Variants in GPX3 observed in about 807,000 individuals in gnomAD.
The protein encoded by GPX3 is glutathione peroxidase 3.
In GPX3, 22 loss-of-function variants were observed where a neutral mutation model predicts 25.1. The ratio of observed to expected loss-of-function variants is 0.88; its 90% CI spans 0.63 to 1.25. GPX3 has a LOEUF of 1.25. GPX3 is among the 50% of genes most tolerant of loss of function. GPX3 has a pLI of 0.00. For missense variants in GPX3, 278 were observed against 286.6 expected, an observed-to-expected ratio of 0.97 and a Z score of 0.22; for synonymous variants, 110 against 114.5, an observed-to-expected ratio of 0.96 and a Z score of 0.25.
At chr5:151,020,855 G>A (rs1422226443) in intron 1 of GPX3, 114 bp downstream of exon 1, 3 of 1,019,546 alleles carry the variant, frequency 2.9e-6, no homozygotes, top group Non-Finnish European at 4.4e-6. Context: ...CAATCCCCAG[G>A]TGCGAGAGAC....
chr5:151,022,748 A>G (rs763044977), intron 1 of GPX3, among the ~76,000 whole-genome samples: 2 of 152,164 alleles, frequency 1.3e-5, no homozygotes, highest in Admixed American at 1.3e-4. Context: ...CAGAAGCCGG[A>G]AAGAGTGACA....
Position 151,025,398 on chromosome 5 carries a change from A to G in GPX3, c.146A>G (p.Asp49Gly). The G allele has an allele frequency of 6.2e-7, 1 of 1,612,624 alleles. No homozygotes were observed. Among genetic ancestry groups the G allele is most frequent in the Non-Finnish European group, 8.5e-7 (1 of 1,179,228 alleles). Residue 49 changes from aspartate to glycine, a missense_variant, in exon 2 of 5, where the codon GAT becomes GGT. Transcript: ENST00000388825. ...TACGAGTACGGAGCCCTCACCATTG[A>G]TGGGGAGGAGTACATCCCCTTCAAG... ...TIYEYGALTIDGEEYIPFKQY... is the reference protein window; with the variant it reads ...TIYEYGALTIGGEEYIPFKQY...
Position 151,025,393 on chromosome 5 carries a change from C to T in GPX3, c.141C>T (p.Thr47=). The change falls in exon 2 of 5, where the codon ACC becomes ACT. Residue 47 remains threonine (T), a synonymous_variant. Transcript: ENST00000388825. ...SGTIYEYGAL[T]IDGEEYIPFK... ...CCATTTACGAGTACGGAGCCCTCAC[C>T]ATTGATGGGGAGGAGTACATCCCCT... 6.2e-7 allele frequency: 1 copy of T among 1,612,020 alleles called. No homozygotes were observed. Among genetic ancestry groups the T allele is most frequent in the South Asian group, 1.1e-5 (1 of 90,786 alleles).
At position 151,028,754 on chromosome 5, in the gene GPX3, C is replaced by T. The variant is rs4661; in HGVS notation, c.*624C>T. ...CTGAGATCAACCAAGGCAGATGTGA[C>T]AGCAAGGGCCACGGACCCCATGGCA... On this transcript the variant is annotated 3_prime_UTR_variant, in exon 5 of 5. Coordinates refer to ENST00000388825, the MANE Select transcript of GPX3 (RefSeq NM_002084.5). 5,232 of 153,448 alleles carry T rather than the reference C, an allele frequency of 0.034. 126 individuals carry two copies. The highest frequency in any genetic ancestry group is 0.056 in the Non-Finnish European group (3,875 of 68,618). 9.5% of individuals were successfully genotyped at this position (153,448 alleles called of 1,614,324 possible).
At chr5:151,020,962 G>A in intron 1 of GPX3, 1 of 615,368 alleles carries the variant, frequency 1.6e-6, no homozygotes, top group Non-Finnish European at 3.0e-6. Context: ...GAGACCTGGT[G>A]CTTCAGGCGG....
intron 1 of GPX3, among the ~76,000 whole-genome samples, chr5:151,022,287 C>T (rs1756488448): frequency 6.6e-6 from 1 of 152,156 alleles, no homozygotes; most frequent in Non-Finnish European, 1.5e-5. Context: ...GTGGGGAGAA[C>T]GTGGACTCCA....
intron 1 of GPX3, among the ~76,000 whole-genome samples, chr5:151,024,241 C>T (rs3792795): frequency 0.084 from 12,805 of 152,286 alleles, 1,004 homozygotes; most frequent in East Asian, 0.41. Context: ...TTCTCCTTTC[C>T]CATCACGACC....
chr5:151,024,050 C>T (rs1327212540), intron 1 of GPX3, among the ~76,000 whole-genome samples: 1 of 152,230 alleles, frequency 6.6e-6, no homozygotes, highest in Non-Finnish European at 1.5e-5. Flanking sequence ...ACAGCAAGTT[C>T]TCCAGAATTG....
Position 151,028,263 on chromosome 5 carries a change from A to C in GPX3, c.*133A>C. On this transcript the variant is annotated 3_prime_UTR_variant, in exon 5 of 5. Transcript: ENST00000388825. ...CACTCAAGGCCCCAGCCTGGCACAA[A>C]TGGATGCATACAGTTCTGTGTACTG... 5 of 760,276 alleles carry C rather than the reference A, an allele frequency of 6.6e-6. No homozygotes were observed. The highest frequency in any genetic ancestry group is 1.1e-5 in the Non-Finnish European group (5 of 454,430). 47.1% of individuals were successfully genotyped at this position (760,276 alleles called of 1,614,324 possible). A position where few individuals can be genotyped will look rare whatever the true frequency, so the allele number is the denominator to read the frequency against.
chr5:151,022,230 T>A (rs1206826821), intron 1 of GPX3, among the ~76,000 whole-genome samples: 2 of 152,184 alleles, frequency 1.3e-5, no homozygotes, highest in Non-Finnish European at 2.9e-5. Flanking sequence ...CCTTCAGTTT[T>A]GGAAAGGTCA....
At position 151,026,859 on chromosome 5, in the gene GPX3, C is replaced by T. The variant is rs767840225; in HGVS notation, c.242-41C>T. The T allele has an allele frequency of 2.3e-5, 34 of 1,460,590 alleles. No homozygotes were observed. The South Asian group carries it at 2.3e-4, about 10-fold the overall frequency. The allele number at this position is 1,460,590 out of a possible 1,614,324, so 90.5% of individuals were successfully genotyped here. A position where few individuals can be genotyped will look rare whatever the true frequency, so the allele number is the denominator to read the frequency against. ...GTGGTGTGGATGAGACAGGGCTCCTCGCCAGGATACTCCCACATCTGCTCT... is the reference window on the plus strand; with the variant it reads ...GTGGTGTGGATGAGACAGGGCTCCTTGCCAGGATACTCCCACATCTGCTCT... On this transcript the variant is annotated intron_variant, in intron 2 of 4. Coordinates refer to ENST00000388825, the MANE Select transcript of GPX3 (RefSeq NM_002084.5).
rs778055125 is a variant in GPX3, at chr5:151,028,349, TTG to T, written c.*230_*231del. 45 of 561,794 alleles carry T rather than the reference TTG, an allele frequency of 8.0e-5. No homozygotes were observed. Among genetic ancestry groups the T allele is most frequent in the African/African-American group, 9.4e-5 (5 of 53,100 alleles). The allele number at this position is 561,794 out of a possible 1,614,324, so 34.8% of individuals were successfully genotyped here. A position where few individuals can be genotyped will look rare whatever the true frequency, so the allele number is the denominator to read the frequency against. Reference sequence around the variant, plus strand: ...CACACATGCCTACAGGTATGCGTGATTGTGTGTGTGTGCATGGGTGTACAGCC... The same window carrying T: ...CACACATGCCTACAGGTATGCGTGATTGTGTGTGTGCATGGGTGTACAGCC... On this transcript the variant is annotated 3_prime_UTR_variant, in exon 5 of 5. Coordinates refer to ENST00000388825, the MANE Select transcript of GPX3 (RefSeq NM_002084.5).
At position 151,028,192 on chromosome 5, in the gene GPX3, C is replaced by G. The variant is rs549582772; in HGVS notation, c.*62C>G. 1 of 1,435,664 alleles carries G rather than the reference C, an allele frequency of 7.0e-7. No individual in the cohort carries two copies. 88.9% of individuals were successfully genotyped at this position (1,435,664 alleles called of 1,614,324 possible). On this transcript the variant is annotated 3_prime_UTR_variant, in exon 5 of 5. Transcript: ENST00000388825. ...GAGGGACTTTGTTCAGGAAGAAATC[C>G]GTGTCTCCAACCACACTATCTACCC...
chr5:151,025,607 C>G, intron 2 of GPX3, 114 bp downstream of exon 2: 1 of 895,488 alleles, frequency 1.1e-6, no homozygotes. Flanking sequence ...GAGTCCAAGC[C>G]CCTTTTCTCA....
chr5:151,022,677 T>C (rs1052476741), intron 1 of GPX3, among the ~76,000 whole-genome samples: 2 of 152,212 alleles, frequency 1.3e-5, no homozygotes, highest in Non-Finnish European at 2.9e-5. Flanking sequence ...CTCTTCTTGC[T>C]GCGTCACCTC....
chr5:151,025,286 G>T, intron 1 of GPX3, 54 bp from the exon 2 acceptor site: 1 of 1,405,286 alleles, frequency 7.1e-7, no homozygotes. Context: ...TGAAAACGGA[G>T]ATGTCCAAGT....
chr5:151,021,320 G>C (rs967604477), intron 1 of GPX3: 8 of 159,460 alleles, frequency 5.0e-5, no homozygotes, highest in African/African-American at 1.7e-4. Context: ...GCTAGAAAGA[G>C]CTCTGGAGTG....
chr5:151,027,263 A>G (rs190136614), intron 3 of GPX3, among the ~76,000 whole-genome samples, 169 bp from the exon 4 acceptor site: 38 of 152,354 alleles, frequency 2.5e-4, no homozygotes, highest in African/African-American at 8.9e-4. Context: ...AGAAAGGAAG[A>G]CCGTGGACTC....
chr5:151,020,903 AC>A, intron 1 of GPX3, 162 bp downstream of exon 1: 1 of 715,320 alleles, frequency 1.4e-6, no homozygotes, highest in Non-Finnish European at 2.5e-6. Context: ...CGCCGCCGGG[AC>A]CCCGCCCCCG....
Sources: gnomAD v4.1 joint callset for allele counts (sites outside exome capture counted in the v4.1 genomes callset) on GRCh38, gnomAD v4.1.1 for gene constraint, MANE v1.5 for transcripts, NCBI Gene and HGNC (gene_info 2026-07-23, HGNC 2026-07-21) for gene names.